CDH12: variants seen among roughly 807,000 people sequenced by gnomAD.
CDH12 encodes the protein cadherin 12.
Under a neutral mutation model 74.1 loss-of-function variants are expected in CDH12, and 41 were observed. The ratio of observed to expected loss-of-function variants is 0.55; its 90% CI spans 0.43 to 0.72. The LOEUF (loss-of-function observed/expected upper bound fraction) is 0.72, where lower values mean the gene tolerates loss of function less well. Among genes scored for constraint, CDH12 ranks in the 30% least tolerant of loss-of-function variants. CDH12 has a pLI of 0.00. For synonymous variants in CDH12, 399 were observed against 355.0 expected (o/e 1.12, Z -1.39); for missense variants, 945 against 977.2 (o/e 0.97, Z 0.44).
At chr5:22,079,462 T>A (rs527519467) in intron 4 of CDH12, among the ~76,000 whole-genome samples, 2 of 152,250 alleles carry the variant, frequency 1.3e-5, no homozygotes, top group East Asian at 3.9e-4. Context: ...AGTTAGAGAA[T>A]AGAAAGATAC....
At chr5:21,753,692 A>G (rs1338461794) in intron 14 of CDH12, among the ~76,000 whole-genome samples, 1 of 152,140 alleles carries the variant, frequency 6.6e-6, no homozygotes, top group African/African-American at 2.4e-5. Context: ...GAGTGTCAAT[A>G]TACACTGCTG....
In CDH12 at chr5:22,036,088, C is replaced by T. The variant is rs144602034; in HGVS notation, c.231+42358G>A. Among the ~76,000 whole-genome samples the T allele has an allele frequency of 2.8e-3, 425 of 152,254 alleles. 1 individual carries two copies. The highest frequency in any genetic ancestry group is 5.2e-3 in the Non-Finnish European group (355 of 68,018). ...TATTATGCATTTGTGAAAAAAAGCA[C>T]CTTAGATGGTATGATTGCTGCACTG... On this transcript the variant is annotated intron_variant, in intron 5 of 14. Coordinates refer to ENST00000382254, the MANE Select transcript of CDH12 (RefSeq NM_004061.5).
intron 4 of CDH12, among the ~76,000 whole-genome samples, chr5:22,089,370 A>G (rs556285055): frequency 5.3e-5 from 8 of 152,202 alleles, no homozygotes; most frequent in Non-Finnish European, 1.0e-4. Flanking sequence ...GGGGGAAATC[A>G]GAGAAACTAG....
chr5:22,438,046 C>T (rs929407028), intron 2 of CDH12, among the ~76,000 whole-genome samples: 9 of 152,010 alleles, frequency 5.9e-5, no homozygotes, highest in Non-Finnish European at 1.0e-4. Context: ...AGTATCTTTA[C>T]GTTTCTAACA....
At chr5:22,250,464 A>G (rs1373422697) in intron 3 of CDH12, among the ~76,000 whole-genome samples, 4 of 152,092 alleles carry the variant, frequency 2.6e-5, no homozygotes, top group African/African-American at 9.7e-5. Context: ...CTAATCGTGG[A>G]TATCGCCTTT....
chr5:22,687,825 T>C (rs998162204), intron 1 of CDH12, among the ~76,000 whole-genome samples: 1 of 152,180 alleles, frequency 6.6e-6, no homozygotes, highest in Non-Finnish European at 1.5e-5. Context: ...AAAAAGATTA[T>C]CTGAATATAG....
intron 1 of CDH12, among the ~76,000 whole-genome samples, chr5:22,665,718 A>G (rs1580866542): frequency 6.6e-6 from 1 of 152,058 alleles, no homozygotes; most frequent in African/African-American, 2.4e-5. Flanking sequence ...TCATAAACAT[A>G]TTTTACTTTA....
chr5:22,430,412 A>G (rs1391716655), intron 2 of CDH12, among the ~76,000 whole-genome samples: 2 of 152,200 alleles, frequency 1.3e-5, no homozygotes, highest in Admixed American at 1.3e-4. Flanking sequence ...AATCACATAT[A>G]AATATTTGGT....
intron 3 of CDH12, among the ~76,000 whole-genome samples, chr5:22,259,520 TC>T (rs2150392794): frequency 6.6e-6 from 1 of 152,170 alleles, no homozygotes; most frequent in South Asian, 2.1e-4. Flanking sequence ...GAATAATTTA[TC>T]TACCACAAAG....
intron 4 of CDH12, among the ~76,000 whole-genome samples, chr5:22,197,180 C>T (rs372237125): frequency 1.3e-5 from 2 of 152,158 alleles, no homozygotes; most frequent in Admixed American, 6.5e-5. Context: ...TGCAGCGGCT[C>T]ATGCCTGTAA....
intron 10 of CDH12, among the ~76,000 whole-genome samples, chr5:21,792,720 T>C (rs937209204): frequency 4.6e-5 from 7 of 151,550 alleles, no homozygotes; most frequent in African/African-American, 1.7e-4. Flanking sequence ...GTATTTTGTC[T>C]TTAACTCAGA....
chr5:22,241,022 A>G (rs1272655432), intron 3 of CDH12, among the ~76,000 whole-genome samples: 1 of 152,238 alleles, frequency 6.6e-6, no homozygotes, highest in African/African-American at 2.4e-5. Flanking sequence ...GAATGGAAAC[A>G]GAACACAATA....
chr5:22,208,043 G>C (rs1236633156), intron 4 of CDH12, among the ~76,000 whole-genome samples: 2 of 152,116 alleles, frequency 1.3e-5, no homozygotes, highest in African/African-American at 4.8e-5. Flanking sequence ...TATAAACAAA[G>C]TTTAGACACC....
At chr5:21,823,953 G>A (rs1307503419) in intron 8 of CDH12, among the ~76,000 whole-genome samples, 1 of 151,890 alleles carries the variant, frequency 6.6e-6, no homozygotes, top group Non-Finnish European at 1.5e-5. Flanking sequence ...CTTGGATGAA[G>A]ACAATGGTGA....
chr5:22,493,524 G>A (rs1275857183), intron 2 of CDH12, among the ~76,000 whole-genome samples: 1 of 152,086 alleles, frequency 6.6e-6, no homozygotes, highest in Non-Finnish European at 1.5e-5. Flanking sequence ...TAGCTTTAGA[G>A]GACAGGGAGC....
At chr5:22,117,525 T>A (rs146496991) in intron 4 of CDH12, among the ~76,000 whole-genome samples, 23,347 of 51,764 alleles carry the variant, frequency 0.45, 5,513 homozygotes, top group Non-Finnish European at 0.49. Context: ...ATATATATAA[T>A]ATATATATAT....
intron 1 of CDH12, among the ~76,000 whole-genome samples, chr5:22,799,078 T>C (rs559711743): frequency 2.6e-5 from 4 of 152,160 alleles, no homozygotes; most frequent in African/African-American, 4.8e-5. Context: ...GATCATGCTA[T>C]TGCACACCGG....
At chr5:22,716,163 TAC>T (rs1743566773) in intron 1 of CDH12, among the ~76,000 whole-genome samples, 1 of 151,638 alleles carries the variant, frequency 6.6e-6, no homozygotes, top group Admixed American at 6.6e-5. Flanking sequence ...ACAAAAAACA[TAC>T]ATATAACTCA....
At chr5:21,897,152 C>G (rs1324753020) in intron 6 of CDH12, among the ~76,000 whole-genome samples, 1 of 152,130 alleles carries the variant, frequency 6.6e-6, no homozygotes, top group Non-Finnish European at 1.5e-5. Context: ...TATATAAATA[C>G]AATGACAGCC....
Sources: gnomAD v4.1 joint callset for allele counts (sites outside exome capture counted in the v4.1 genomes callset) on GRCh38, gnomAD v4.1.1 for gene constraint, MANE v1.5 for transcripts, NCBI Gene and HGNC (gene_info 2026-07-23, HGNC 2026-07-21) for gene names.